Variants in MAP3K9 observed in about 807,000 individuals in gnomAD.
The protein encoded by MAP3K9 is mitogen-activated protein kinase kinase kinase 9, also known as mixed lineage kinase 1 (tyr and ser/thr specificity).
MAP3K9 carries 46 observed loss-of-function variants against 95.8 expected under a neutral mutation model. The ratio of observed to expected loss-of-function variants is 0.48; its 90% CI spans 0.38 to 0.61. The LOEUF is 0.61. Among genes scored for constraint, MAP3K9 ranks in the 20% least tolerant of loss-of-function variants. The pLI, the probability that MAP3K9 is intolerant of heterozygous loss-of-function variation, is 0.00. For missense variants in MAP3K9, 1,296 were observed against 1,474.3 expected (o/e 0.88, Z 1.98); for synonymous variants, 533 against 593.8 (o/e 0.90, Z 1.49).
intron 2 of MAP3K9, among the ~76,000 whole-genome samples, chr14:70,766,530 T>C (rs1396297805): frequency 6.6e-6 from 1 of 152,236 alleles, no homozygotes; most frequent in African/African-American, 2.4e-5. Flanking sequence ...GAATGCTTGA[T>C]TAATAATGAC....
chr14:70,748,219 T>C (rs1034307026), intron 5 of MAP3K9, among the ~76,000 whole-genome samples: 2 of 152,152 alleles, frequency 1.3e-5, no homozygotes, highest in Non-Finnish European at 1.5e-5. Flanking sequence ...TATAGTTGCA[T>C]GTGACTGGCT....
rs370442836 is a variant in MAP3K9, at chr14:70,764,048, C to T, written c.821-2866G>A. ...AAAATACAAAAAAATTAGCTGGGCG[C>T]GGTGGCGGGCGCTTGTAGACCCAGC... On this transcript the variant is annotated intron_variant, in intron 2 of 11. Coordinates refer to ENST00000554752, the MANE Select transcript of MAP3K9 (RefSeq NM_001284230.2). Among the ~76,000 whole-genome samples the T allele has an allele frequency of 1.6e-4, 24 of 147,844 alleles. No individual in the cohort carries two copies. In the East Asian group the frequency reaches 2.2e-3, roughly 13 times the overall value.
chr14:70,760,870 C>G (rs1294434595), intron 3 of MAP3K9, 132 bp downstream of exon 3: 2 of 881,108 alleles, frequency 2.3e-6, no homozygotes, highest in Non-Finnish European at 1.8e-6. Flanking sequence ...GCATAGATGA[C>G]TCTTGGGGGA....
intron 2 of MAP3K9, among the ~76,000 whole-genome samples, chr14:70,765,714 A>G (rs1245293114): frequency 2.0e-5 from 3 of 147,750 alleles, no homozygotes; most frequent in East Asian, 4.0e-4. Flanking sequence ...TGGGCCACAC[A>G]TAAAATACAC....
rs758757927 is a variant in MAP3K9 at position 70,734,428 on chromosome 14, T to G, written c.1984A>C (p.Ser662Arg). The G allele has an allele frequency of 6.2e-7, 1 of 1,614,124 alleles. No individual in the cohort carries two copies. Residue 662 changes from serine to arginine, a missense_variant, in exon 10 of 12, where the codon AGT (serine) becomes CGT (arginine). By Grantham distance (110) the Ser-to-Arg change is moderately radical (BLOSUM62 -1). Around this residue, in one of 5 missense-constraint regions of MAP3K9, gnomAD observed 377 missense variants for 417.1 expected, o/e 0.90. Coordinates refer to ENST00000554752, the MANE Select transcript of MAP3K9 (RefSeq NM_001284230.2). The stretch of plus-strand genomic sequence containing the variant: ...GTGAACCCTGGCAGGGCCGGGCTAC[T>G]CCTTGGGCCCTTCACCAGGTTGGGG... Reference protein sequence around the residue: ...SAPNLVKGPRSSPALPGFTSL... With the variant: ...SAPNLVKGPRRSPALPGFTSL...
intron 2 of MAP3K9, among the ~76,000 whole-genome samples, chr14:70,799,838 C>A (rs1461047246): frequency 6.6e-6 from 1 of 152,160 alleles, no homozygotes; most frequent in Non-Finnish European, 1.5e-5. Context: ...CTCTCTGGGA[C>A]AGGATGCTCC....
chr14:70,795,138 C>T lies in MAP3K9; in HGVS notation c.820+5529G>A, dbSNP rs898231566. ...CTTCCTGAGTAGCTGGGACTACAGG[C>T]GCATGCCACCACGTTCGGCTATTTT... On this transcript the variant is annotated intron_variant, in intron 2 of 11. Transcript: ENST00000554752. Among the ~76,000 whole-genome samples, 9 of 151,322 alleles carry T rather than the reference C, an allele frequency of 5.9e-5. No homozygotes were observed. In the East Asian group the frequency reaches 9.7e-4, roughly 16 times the overall value.
At chr14:70,781,870 T>A (rs557877771) in intron 2 of MAP3K9, among the ~76,000 whole-genome samples, 2 of 152,220 alleles carry the variant, frequency 1.3e-5, no homozygotes, top group Admixed American at 6.5e-5. Context: ...CTGTTTCACA[T>A]GGAAGACTCA....
chr14:70,780,106 T>C (rs1367719994), intron 2 of MAP3K9, among the ~76,000 whole-genome samples: 1 of 152,226 alleles, frequency 6.6e-6, no homozygotes, highest in Non-Finnish European at 1.5e-5. Context: ...CTGGCCATAA[T>C]GTGCATATGT....
chr14:70,780,051 T>A (rs2054653432), intron 2 of MAP3K9, among the ~76,000 whole-genome samples: 1 of 152,216 alleles, frequency 6.6e-6, no homozygotes, highest in African/African-American at 2.4e-5. Flanking sequence ...AAGATTGGGA[T>A]ACTAGGGTGA....
chr14:70,742,944 A>G (rs2054096716), intron 5 of MAP3K9, among the ~76,000 whole-genome samples: 1 of 147,024 alleles, frequency 6.8e-6, no homozygotes, highest in Non-Finnish European at 1.5e-5. Context: ...TATAGGTTTG[A>G]ATAGAAAATA....
intron 2 of MAP3K9, among the ~76,000 whole-genome samples, chr14:70,778,276 ATTTTTTTT>A (rs71105734): frequency 1.6e-5 from 2 of 122,856 alleles, no homozygotes; most frequent in South Asian, 2.6e-4. Flanking sequence ...ACGCCCAGCT[ATTTTTTTT>A]TTTTTTTTTT....
intron 1 of MAP3K9, among the ~76,000 whole-genome samples, chr14:70,807,121 ACAC>A (rs1296503418): frequency 6.6e-6 from 1 of 152,248 alleles, no homozygotes; most frequent in African/African-American, 2.4e-5. Flanking sequence ...GATAGTCAAA[ACAC>A]CAACAGAAAA....
chr14:70,806,579 C>A (rs928256397), intron 1 of MAP3K9, among the ~76,000 whole-genome samples: 3 of 152,166 alleles, frequency 2.0e-5, no homozygotes, highest in Non-Finnish European at 4.4e-5. Context: ...TTTAGGAATC[C>A]ACTCTATCCA....
chr14:70,800,871 G>A lies in MAP3K9; in HGVS notation c.616C>T (p.Leu206=). Residue 206 remains leucine (L), a synonymous_variant, in exon 2 of 12, where the codon CTA becomes TTA. Coordinates refer to ENST00000554752, the MANE Select transcript of MAP3K9 (RefSeq NM_001284230.2). The part of the protein sequence containing the change: ...AMLKHPNIIA[L]RGVCLKEPNL... ...GGCTCCTTCAGACATACCCCTCTTA[G>A]GGCAATGATGTTGGGGTGCTTCAGC... 1 of 1,614,148 alleles carries A rather than the reference G, an allele frequency of 6.2e-7. No homozygotes were observed. Among genetic ancestry groups the A allele is most frequent in the Non-Finnish European group, 8.5e-7 (1 of 1,180,018 alleles).
chr14:70,795,913 C>T (rs1212497206), intron 2 of MAP3K9, among the ~76,000 whole-genome samples: 1 of 151,714 alleles, frequency 6.6e-6, no homozygotes, highest in African/African-American at 2.4e-5. Flanking sequence ...CCACCACCAC[C>T]CCAGGCTAAT....
At chr14:70,770,906 G>A (rs774618179) in intron 2 of MAP3K9, among the ~76,000 whole-genome samples, 4 of 152,096 alleles carry the variant, frequency 2.6e-5, no homozygotes, top group African/African-American at 9.7e-5. Context: ...TAGAAAGGAC[G>A]CGTAGGAGGT....
chr14:70,775,589 C>T (rs2054587268), intron 2 of MAP3K9, among the ~76,000 whole-genome samples: 1 of 152,160 alleles, frequency 6.6e-6, no homozygotes, highest in Non-Finnish European at 1.5e-5. Context: ...TGGACCAATG[C>T]CCATAACACT....
intron 5 of MAP3K9, among the ~76,000 whole-genome samples, chr14:70,744,553 T>C (rs1343162843): frequency 6.6e-6 from 1 of 152,170 alleles, no homozygotes; most frequent in Non-Finnish European, 1.5e-5. Flanking sequence ...CACTGAGGTA[T>C]GTGGTTTCAA....
Sources: gnomAD v4.1 joint callset for allele counts (sites outside exome capture counted in the v4.1 genomes callset) on GRCh38, gnomAD v4.1.1 for gene constraint, gnomAD v4.1.1 regional missense constraint, MANE v1.5 for transcripts, NCBI Gene and HGNC (gene_info 2026-07-23, HGNC 2026-07-21) for gene names.